SASH1: variants seen among roughly 807,000 people sequenced by gnomAD.
SASH1 encodes the protein SAM and SH3 domain-containing protein 1.
In SASH1, 44 loss-of-function variants were observed where a neutral mutation model predicts 125.2. The observed-to-expected ratio is 0.35, with a 90% CI of 0.28 to 0.45. The LOEUF (loss-of-function observed/expected upper bound fraction) is 0.45. Ranked by LOEUF, SASH1 falls within the 20% of genes least tolerant of loss-of-function variation. The probability of loss-of-function intolerance (pLI) is 1.00; values close to 1 mark genes in which losing one functional copy is unlikely to be tolerated. For synonymous variants in SASH1, 639 were observed against 649.1 expected (o/e 0.98, Z 0.24); for missense variants, 1,426 against 1,614.5 (o/e 0.88, Z 2.00).
chr6:148,488,807 T>C (rs1484897229), intron 8 of SASH1, among the ~76,000 whole-genome samples: 7 of 152,234 alleles, frequency 4.6e-5, no homozygotes, highest in Admixed American at 4.6e-4. Context: ...TTTTGCCTGG[T>C]CTTCAGTTAT....
At chr6:148,489,088 T>G (rs1283734046) in intron 8 of SASH1, among the ~76,000 whole-genome samples, 1 of 152,154 alleles carries the variant, frequency 6.6e-6, no homozygotes, top group East Asian at 1.9e-4. Context: ...TTTCTGAGGG[T>G]TTCATAGTTT....
the SASH1 span, among the ~76,000 whole-genome samples, chr6:148,244,984 G>A: frequency 1.4e-5 from 2 of 147,236 alleles, no homozygotes; most frequent in African/African-American, 5.0e-5. Flanking sequence ...GAGAGAGAGA[G>A]AGAAAGATTA....
chr6:148,238,322 C>G, the SASH1 span, among the ~76,000 whole-genome samples: 1 of 152,076 alleles, frequency 6.6e-6, no homozygotes, highest in African/African-American at 2.4e-5. Flanking sequence ...CTCCCAGGTT[C>G]AAGCGATGCT....
intron 1 of SASH1, among the ~76,000 whole-genome samples, chr6:148,360,937 C>A (rs1238247473): frequency 3.3e-5 from 5 of 152,038 alleles, no homozygotes; most frequent in African/African-American, 1.2e-4. Flanking sequence ...TCAGATTTAG[C>A]CAAGTTAAGT....
intron 1 of SASH1, among the ~76,000 whole-genome samples, chr6:148,307,164 G>A (rs1375506392): frequency 6.6e-6 from 1 of 150,508 alleles, no homozygotes; most frequent in Non-Finnish European, 1.5e-5. Context: ...TGTCATCCAG[G>A]CTGGAGTGCA....
the SASH1 span, among the ~76,000 whole-genome samples, chr6:148,267,000 G>T: frequency 4.6e-5 from 7 of 152,068 alleles, no homozygotes; most frequent in African/African-American, 1.7e-4. Context: ...GCATGCCTAA[G>T]GTACACCTCA....
At chr6:148,327,287 C>CTT (rs757257278) in intron 1 of SASH1, among the ~76,000 whole-genome samples, 11 of 140,986 alleles carry the variant, frequency 7.8e-5, no homozygotes, top group South Asian at 2.3e-4. Flanking sequence ...ATATAAATTT[C>CTT]TTTTTTTTTT....
In SASH1 at chr6:148,402,963, C is replaced by T. The variant is rs117696141; in HGVS notation, c.285+12701C>T. On this transcript the variant is annotated intron_variant, in intron 2 of 19. Transcript: ENST00000367467. Reference sequence around the variant, plus strand: ...AGTTGACATAGTTCCTGGGTACATGCTAGAGCTCAATGAATACTTATCATA... The same window carrying T: ...AGTTGACATAGTTCCTGGGTACATGTTAGAGCTCAATGAATACTTATCATA... Among the ~76,000 whole-genome samples the T allele has an allele frequency of 2.5e-3, 378 of 152,166 alleles. 2 individuals are homozygous for T. Among genetic ancestry groups the T allele is most frequent in the Non-Finnish European group, 3.7e-3 (254 of 68,012 alleles).
intron 1 of SASH1, among the ~76,000 whole-genome samples, chr6:148,344,834 C>T (rs1179381218): frequency 6.6e-6 from 1 of 151,590 alleles, no homozygotes; most frequent in Non-Finnish European, 1.5e-5. Flanking sequence ...CAGCTCACTG[C>T]AACCTCCGCC....
At chr6:148,374,175 T>G (rs1390924345) in intron 1 of SASH1, among the ~76,000 whole-genome samples, 2 of 152,190 alleles carry the variant, frequency 1.3e-5, no homozygotes, top group Non-Finnish European at 2.9e-5. Context: ...GAAAGTGAAA[T>G]TACCCCTTTT....
Position 148,544,318 on chromosome 6 carries a change from G to C in SASH1, c.2848G>C (p.Gly950Arg). ...CGGTTTAGCAAGGACGCCTCTGGAG[G>C]GCCACAGAAAAGGACACGAGTTTGA... ...KHGLARTPLE[G>R]HRKGHEFEGT... Residue 950 changes from glycine to arginine, a missense_variant, in exon 18 of 20, where the codon GGC becomes CGC. Coordinates refer to ENST00000367467, the MANE Select transcript of SASH1 (RefSeq NM_015278.5). This position sits in a 1 kb window ranked among gnomAD's most constrained non-coding sequence, Gnocchi z 6.4. The C allele has an allele frequency of 8.7e-6, 14 of 1,614,128 alleles. No individual in the cohort carries two copies. The highest frequency in any genetic ancestry group is 1.2e-5 in the Non-Finnish European group (14 of 1,180,034).
At chr6:148,312,485 G>C (rs1473501250) in intron 1 of SASH1, among the ~76,000 whole-genome samples, 1 of 152,026 alleles carries the variant, frequency 6.6e-6, no homozygotes, top group Non-Finnish European at 1.5e-5. Context: ...CTCCAGCCTG[G>C]GTGACAGAGT....
chr6:148,545,022 C>T (rs779032301), intron 18 of SASH1, among the ~76,000 whole-genome samples: 3 of 151,990 alleles, frequency 2.0e-5, no homozygotes, highest in South Asian at 4.2e-4. Flanking sequence ...GTAGGTAAAC[C>T]GAGGTTAAAA....
At chr6:148,334,973 CAA>C (rs71004288) in intron 1 of SASH1, among the ~76,000 whole-genome samples, 10,684 of 115,308 alleles carry the variant, frequency 0.093, 671 homozygotes, top group East Asian at 0.34. Context: ...GACTCCATCT[CAA>C]AAAAAAAAAA....
intron 1 of SASH1, among the ~76,000 whole-genome samples, chr6:148,308,714 G>A (rs1256432344): frequency 1.2e-5 from 1 of 81,064 alleles, no homozygotes; most frequent in East Asian, 2.5e-4. Flanking sequence ...GCTTTTTAAA[G>A]TATTTTCTGC....
intron 1 of SASH1, among the ~76,000 whole-genome samples, chr6:148,355,800 A>G (rs565279112): frequency 1.1e-4 from 17 of 152,320 alleles, no homozygotes; most frequent in African/African-American, 4.1e-4. Context: ...TTACATTGGT[A>G]TGATTTCTTG....
At chr6:148,445,729 A>G (rs1319073459) in intron 4 of SASH1, among the ~76,000 whole-genome samples, 1 of 152,186 alleles carries the variant, frequency 6.6e-6, no homozygotes, top group Non-Finnish European at 1.5e-5. Flanking sequence ...AGAAGGCAGT[A>G]GGTCCCAAGG....
At chr6:148,395,435 C>G (rs539967533) in intron 2 of SASH1, among the ~76,000 whole-genome samples, 4 of 152,298 alleles carry the variant, frequency 2.6e-5, no homozygotes, top group African/African-American at 9.6e-5. Flanking sequence ...CAAGCTCTTT[C>G]TCTAGGACTT....
intron 4 of SASH1, among the ~76,000 whole-genome samples, chr6:148,462,619 C>T (rs1239982297): frequency 2.0e-4 from 31 of 152,264 alleles, no homozygotes; most frequent in Admixed American, 2.0e-3. Flanking sequence ...TCTGATACTT[C>T]CATAGACCAT....
Sources: allele counts gnomAD v4.1 joint callset (sites outside exome capture counted in the v4.1 genomes callset), GRCh38; gene constraint gnomAD v4.1.1; non-coding constraint Gnocchi (gnomAD v3.1); transcripts MANE v1.5; gene names NCBI Gene and HGNC (gene_info 2026-07-23, HGNC 2026-07-21).